Variants in AK9 observed in about 807,000 individuals in gnomAD.
AK9 encodes adenylate kinase 9.
In AK9, 191 loss-of-function variants were observed where a neutral mutation model predicts 239.6. The observed-to-expected ratio is 0.80, with a 90% CI of 0.71 to 0.90. The LOEUF (loss-of-function observed/expected upper bound fraction) is 0.90, where lower values mean the gene tolerates loss of function less well. Among genes scored for constraint, AK9 ranks in the 40% least tolerant of loss-of-function variants. The pLI is 0.00. For synonymous variants in AK9, 689 were observed against 721.0 expected (o/e 0.96, Z 0.71); for missense variants, 1,995 against 2,214.7 (o/e 0.90, Z 1.99).
intron 6 of AK9, 116 bp from the exon 7 acceptor site, chr6:109,659,529 G>A (rs1800149740): frequency 1.5e-6 from 2 of 1,291,862 alleles, no homozygotes; most frequent in Non-Finnish European, 2.0e-6. Flanking sequence ...TAAAACCTGA[G>A]CAAATGCAAT....
chr6:109,556,165 C>T (rs896881075), intron 24 of AK9, among the ~76,000 whole-genome samples: 5 of 152,048 alleles, frequency 3.3e-5, no homozygotes, highest in Admixed American at 1.3e-4. Flanking sequence ...CTTTCCAGTA[C>T]ATATTTAGTG....
intron 1 of AK9, chr6:109,690,595 A>G (rs829810): frequency 0.81 from 123,419 of 152,202 alleles, 50,510 homozygotes; most frequent in African/African-American, 0.94. Context: ...CGGGGCCTCG[A>G]GAGGCGGGGC....
At chr6:109,556,375 C>G (rs1400464077) in intron 24 of AK9, among the ~76,000 whole-genome samples, 1 of 152,330 alleles carries the variant, frequency 6.6e-6, no homozygotes, top group East Asian at 1.9e-4. Flanking sequence ...GCTGAGAGGT[C>G]CACTGTTAGT....
chr6:109,671,254 T>C (rs1770840415), intron 5 of AK9, among the ~76,000 whole-genome samples: 1 of 152,358 alleles, frequency 6.6e-6, no homozygotes, highest in African/African-American at 2.4e-5. Flanking sequence ...TAATTTTTCT[T>C]TTTTCATTCA....
chr6:109,510,197 C>A (rs1454553424), intron 32 of AK9, among the ~76,000 whole-genome samples: 1 of 152,012 alleles, frequency 6.6e-6, no homozygotes, highest in East Asian at 1.9e-4. Context: ...ACCCATGGAC[C>A]AATCAGCAGG....
chr6:109,516,774 C>G, intron 29 of AK9, 132 bp from the exon 30 acceptor site: 3 of 759,522 alleles, frequency 3.9e-6, no homozygotes, highest in Non-Finnish European at 6.3e-6. Context: ...CATCTAGTAA[C>G]GCAATAAGGT....
At chr6:109,509,786 G>A (rs1296925583) in intron 32 of AK9, among the ~76,000 whole-genome samples, 7 of 152,228 alleles carry the variant, frequency 4.6e-5, no homozygotes, top group East Asian at 1.9e-4. Context: ...CAGGAGCTGC[G>A]GACAAGCAGG....
intron 25 of AK9, 79 bp from the exon 26 acceptor site, chr6:109,546,206 A>G (rs1278235992): frequency 1.5e-6 from 2 of 1,331,028 alleles, no homozygotes; most frequent in East Asian, 4.6e-5. Flanking sequence ...TTTAGAACAC[A>G]TAAGACTTAT....
In AK9 at chr6:109,506,388, G is replaced by T. The variant is rs373942877; in HGVS notation, c.4788C>A (p.Val1596=). Reference sequence around the variant, plus strand: ...TATTCACCATTTGAACATTCTTAATGACTTCATTCCATACCCACCATTTGC... The same window carrying T: ...TATTCACCATTTGAACATTCTTAATTACTTCATTCCATACCCACCATTTGC... ...FHSKWWVWNE[V]IKNVQMVNKY... is the part of the protein sequence containing the mutation. The change falls in exon 35 of 41, where the codon GTC becomes GTA. Residue 1596 remains valine (V), a synonymous_variant. Coordinates refer to ENST00000424296, the MANE Select transcript of AK9 (RefSeq NM_001145128.3). 6.2e-7 allele frequency: 1 copy of T among 1,613,686 alleles called. No individual in the cohort carries two copies.
At chr6:109,643,853 C>T (rs949585587) in intron 9 of AK9, among the ~76,000 whole-genome samples, 2 of 152,144 alleles carry the variant, frequency 1.3e-5, no homozygotes, top group East Asian at 3.9e-4. Flanking sequence ...CACTGTCTCA[C>T]TTCCCTCACC....
rs367956055 is a variant in AK9, at chr6:109,652,512, A to G, written c.759+4244T>C. On this transcript the variant is annotated intron_variant, in intron 8 of 40. Transcript: ENST00000424296. Reference sequence around the variant, plus strand: ...TAACTAAACTTCCCCTACACTTTTTATAAGATCACTGTCAATGTAACATTT... The same window carrying G: ...TAACTAAACTTCCCCTACACTTTTTGTAAGATCACTGTCAATGTAACATTT... 7.2e-5 allele frequency among the ~76,000 whole-genome samples: 11 copies of G among 152,306 alleles called. No individual in the cohort carries two copies. In the East Asian group the frequency reaches 2.1e-3, roughly 29 times the overall value.
At chr6:109,620,936 C>A (rs1321224135) in intron 12 of AK9, among the ~76,000 whole-genome samples, 1 of 151,730 alleles carries the variant, frequency 6.6e-6, no homozygotes, top group Admixed American at 6.6e-5. Flanking sequence ...ATTGGAAATA[C>A]ATATGCAAGC....
intron 24 of AK9, among the ~76,000 whole-genome samples, chr6:109,551,246 G>T (rs558053277): frequency 1.3e-5 from 2 of 151,968 alleles, no homozygotes. Context: ...GGCTGCGTGC[G>T]GGGGCTCATG....
intron 29 of AK9, 180 bp downstream of exon 29, chr6:109,528,831 G>C (rs1484180552): frequency 9.2e-7 from 1 of 1,082,838 alleles, no homozygotes. Flanking sequence ...TCTTAAGCCA[G>C]AAGGCAAAGG....
intron 1 of AK9, among the ~76,000 whole-genome samples, chr6:109,679,337 G>T (rs1772265179): frequency 9.9e-6 from 1 of 101,172 alleles, no homozygotes; most frequent in Admixed American, 9.0e-5. Flanking sequence ...ACAAAGCCTT[G>T]GGGAAGTTCC....
chr6:109,672,071 CT>C, intron 4 of AK9, 43 bp downstream of exon 4: 2 of 1,611,092 alleles, frequency 1.2e-6, no homozygotes, highest in African/African-American at 1.3e-5. Context: ...TGATACAGAG[CT>C]TTTTTTGTAA....
At chr6:109,569,431 G>T (rs1462301631) in intron 21 of AK9, among the ~76,000 whole-genome samples, 1 of 152,138 alleles carries the variant, frequency 6.6e-6, no homozygotes, top group Non-Finnish European at 1.5e-5. Flanking sequence ...TTGACAAATG[G>T]ATCTAATTAA....
At chr6:109,527,364 T>G (rs549852833) in intron 29 of AK9, among the ~76,000 whole-genome samples, 5 of 152,258 alleles carry the variant, frequency 3.3e-5, no homozygotes, top group Non-Finnish European at 7.4e-5. Flanking sequence ...GATTCCCCAG[T>G]TAGTCTGAAA....
chr6:109,561,258 C>A (rs376842931), intron 24 of AK9, among the ~76,000 whole-genome samples: 6 of 149,682 alleles, frequency 4.0e-5, no homozygotes, highest in African/African-American at 1.5e-4. Context: ...AGCTTGCCTT[C>A]GTTTTTAAAA....
Sources: allele counts gnomAD v4.1 joint callset (sites outside exome capture counted in the v4.1 genomes callset), GRCh38; gene constraint gnomAD v4.1.1; transcripts MANE v1.5; gene names NCBI Gene and HGNC (gene_info 2026-07-23, HGNC 2026-07-21).